The following MNAT1 variants were observed in gnomAD, a reference collection of about 807,000 sequenced individuals.
MNAT1 encodes the protein CDK-activating kinase assembly factor MAT1.
A neutral mutation model predicts 42.0 loss-of-function variants in MNAT1; 43 were observed. That is an observed-to-expected ratio of 1.02 (90% CI 0.80 to 1.32). MNAT1 has a LOEUF of 1.32. MNAT1 is among the 40% of genes most tolerant of loss of function. The probability of loss-of-function intolerance (pLI) is 0.00; values close to 1 mark genes in which losing one functional copy is unlikely to be tolerated. For synonymous variants in MNAT1, 118 were observed against 120.0 expected (o/e 0.98, Z 0.11); for missense variants, 306 against 350.4 (o/e 0.87, Z 1.01).
At chr14:60,779,347 A>G (rs1172635666) in intron 1 of MNAT1, among the ~76,000 whole-genome samples, 1 of 152,198 alleles carries the variant, frequency 6.6e-6, no homozygotes, top group African/African-American at 2.4e-5. Context: ...AGCTGCTTAC[A>G]CCAGCATAAG....
intron 3 of MNAT1, among the ~76,000 whole-genome samples, chr14:60,808,095 A>T (rs111471377): frequency 5.3e-5 from 8 of 152,224 alleles, no homozygotes; most frequent in African/African-American, 1.7e-4. Context: ...TGATCCTGAC[A>T]TTTAGGTATT....
intron 6 of MNAT1, among the ~76,000 whole-genome samples, chr14:60,875,218 T>TA (rs1169709954): frequency 6.6e-6 from 1 of 152,142 alleles, no homozygotes; most frequent in Non-Finnish European, 1.5e-5. Context: ...AGGATTTACT[T>TA]ACGGCCATTA....
chr14:60,846,397 A>AT (rs996191652), intron 6 of MNAT1, among the ~76,000 whole-genome samples: 2 of 151,720 alleles, frequency 1.3e-5, no homozygotes, highest in East Asian at 1.9e-4. Context: ...TTTTTAAAAA[A>AT]TTTTTTTTGA....
intron 6 of MNAT1, among the ~76,000 whole-genome samples, chr14:60,871,074 A>G (rs555518372): frequency 6.6e-6 from 1 of 152,314 alleles, no homozygotes; most frequent in East Asian, 1.9e-4. Flanking sequence ...CCAATATTTC[A>G]TTCATTTTTA....
intron 1 of MNAT1, among the ~76,000 whole-genome samples, chr14:60,769,362 C>G (rs752539949): frequency 3.3e-5 from 5 of 152,156 alleles, no homozygotes; most frequent in African/African-American, 7.2e-5. Context: ...ACTTTGTTCT[C>G]CTGGGCTCAA....
intron 7 of MNAT1, among the ~76,000 whole-genome samples, chr14:60,957,750 A>G (rs1032982369): frequency 1.3e-5 from 2 of 152,054 alleles, no homozygotes; most frequent in East Asian, 3.9e-4. Context: ...TTTATATTAG[A>G]GTTATAAGTA....
chr14:60,863,985 A>T (rs1313823813), intron 6 of MNAT1, among the ~76,000 whole-genome samples: 1 of 152,064 alleles, frequency 6.6e-6, no homozygotes, highest in Non-Finnish European at 1.5e-5. Context: ...TTTAACATTC[A>T]TTAACAGACA....
At chr14:60,940,174 G>A (rs1020883262) in intron 7 of MNAT1, among the ~76,000 whole-genome samples, 1 of 152,126 alleles carries the variant, frequency 6.6e-6, no homozygotes, top group Admixed American at 6.5e-5. Context: ...GATGGGTCTT[G>A]ACTCTTTATC....
intron 7 of MNAT1, among the ~76,000 whole-genome samples, chr14:60,887,853 A>G (rs1007104108): frequency 1.3e-5 from 2 of 152,010 alleles, no homozygotes; most frequent in Non-Finnish European, 2.9e-5. Flanking sequence ...TCTAGAAGAA[A>G]TGGATAAATT....
intron 6 of MNAT1, among the ~76,000 whole-genome samples, chr14:60,853,914 T>C (rs971420475): frequency 9.2e-5 from 14 of 152,240 alleles, no homozygotes. Flanking sequence ...TCATGGTGGA[T>C]AAGCTTTTGG....
At chr14:60,749,289 A>T (rs2029966688) in intron 1 of MNAT1, among the ~76,000 whole-genome samples, 1 of 152,216 alleles carries the variant, frequency 6.6e-6, no homozygotes, top group South Asian at 2.1e-4. Context: ...TTGGACATTC[A>T]AACTTATTTG....
intron 6 of MNAT1, among the ~76,000 whole-genome samples, chr14:60,851,541 T>C (rs533939920): frequency 6.6e-6 from 1 of 152,312 alleles, no homozygotes; most frequent in East Asian, 1.9e-4. Context: ...TTATTAATAT[T>C]TTTATTTTAC....
At chr14:60,794,854 C>A (rs2031961735) in intron 1 of MNAT1, among the ~76,000 whole-genome samples, 1 of 151,720 alleles carries the variant, frequency 6.6e-6, no homozygotes, top group African/African-American at 2.4e-5. Context: ...ATCAACTCTT[C>A]CCTATTCATT....
Position 60,837,096 on chromosome 14 carries a change from C to T in MNAT1, c.687+18249C>T, listed in dbSNP as rs554008978. 3.9e-5 allele frequency among the ~76,000 whole-genome samples: 6 copies of T among 152,266 alleles called. No homozygotes were observed. The East Asian group carries it at 5.8e-4, about 15-fold the overall frequency. On this transcript the variant is annotated intron_variant, in intron 6 of 7. Coordinates refer to ENST00000261245, the MANE Select transcript of MNAT1 (RefSeq NM_002431.4). ...CCCACCAAGCTCAAGTGTCCCAGTT[C>T]GACTTCAGACTGTTGTGCTGGCAGT...
intron 1 of MNAT1, among the ~76,000 whole-genome samples, chr14:60,791,339 C>G (rs542994652): frequency 9.9e-5 from 15 of 152,214 alleles, no homozygotes; most frequent in Admixed American, 2.0e-4. Context: ...ACTATCTCTT[C>G]ATAATGTTTT....
At chr14:60,825,515 T>A (rs527316567) in intron 6 of MNAT1, among the ~76,000 whole-genome samples, 1 of 152,340 alleles carries the variant, frequency 6.6e-6, no homozygotes, top group African/African-American at 2.4e-5. Flanking sequence ...CTGCTGGATA[T>A]GCAAGAATAC....
At chr14:60,759,089 C>T (rs1301747390) in intron 1 of MNAT1, among the ~76,000 whole-genome samples, 1 of 152,120 alleles carries the variant, frequency 6.6e-6, no homozygotes, top group African/African-American at 2.4e-5. Flanking sequence ...GGCAGCTGCT[C>T]ATTGTCATCC....
intron 3 of MNAT1, chr14:60,799,153 G>A: frequency 1.4e-6 from 1 of 707,306 alleles, no homozygotes; most frequent in Non-Finnish European, 1.7e-6. Flanking sequence ...CATAGCAAAA[G>A]CATGTGGAAA....
chr14:60,748,895 A>T (rs1475162374), intron 1 of MNAT1, among the ~76,000 whole-genome samples: 1 of 152,168 alleles, frequency 6.6e-6, no homozygotes, highest in Admixed American at 6.5e-5. Flanking sequence ...ACTATTATGC[A>T]CTGTGCATAA....
Sources: gnomAD v4.1 joint callset for allele counts (sites outside exome capture counted in the v4.1 genomes callset) on GRCh38, gnomAD v4.1.1 for gene constraint, MANE v1.5 for transcripts, NCBI Gene and HGNC (gene_info 2026-07-23, HGNC 2026-07-21) for gene names.